Variants in YBX2 observed in about 807,000 individuals in gnomAD.
The protein encoded by YBX2 is Y-box-binding protein 2.
YBX2 carries 5 observed loss-of-function variants against 44.4 expected under a neutral mutation model. That is an observed-to-expected ratio of 0.11 (90% CI 0.06 to 0.24). YBX2 has a LOEUF of 0.24. YBX2 is among the 10% of genes least tolerant of loss of function. YBX2 has a pLI of 1.00. For synonymous variants in YBX2, 188 were observed against 216.1 expected (o/e 0.87, Z 1.14); for missense variants, 417 against 526.9 (o/e 0.79, Z 2.04).
At chr17:7,292,865 G>C in intron 2 of YBX2, 1 of 161,108 alleles carries the variant, frequency 6.2e-6, no homozygotes, top group East Asian at 1.8e-4. Flanking sequence ...TCCCAGGAGA[G>C]CCAGGCCGGG....
chr17:7,291,171 T>C lies in YBX2; in HGVS notation c.381A>G (p.Lys127=). ...GCAGAAACTTCCTGGGGTTGTTTCT[T>C]TTAATAGCTGTCTGATTGGGGAAAA... ...EDVFVHQTAI[K]RNNPRKFLRS... is the part of the protein sequence containing the mutation. The change falls in exon 4 of 9, where the codon AAA becomes AAG. Residue 127 remains lysine (K), a synonymous_variant. Coordinates refer to ENST00000007699, the MANE Select transcript of YBX2 (RefSeq NM_015982.4). This position sits in a 1 kb window ranked among gnomAD's most constrained non-coding sequence, Gnocchi z 5.8. 6.2e-7 allele frequency: 1 copy of C among 1,614,052 alleles called. No individual in the cohort carries two copies. Among genetic ancestry groups the C allele is most frequent in the Non-Finnish European group, 8.5e-7 (1 of 1,180,008 alleles).
In YBX2 at chr17:7,294,257, G is replaced by A. The variant is rs1425797842; in HGVS notation, c.244C>T (p.Arg82Trp). 4 of 1,273,612 alleles carry A rather than the reference G, an allele frequency of 3.1e-6. No individual in the cohort carries two copies. Among genetic ancestry groups the A allele is most frequent in the Non-Finnish European group, 3.9e-6 (4 of 1,016,468 alleles). The allele number at this position is 1,273,612 out of a possible 1,614,324, so 78.9% of individuals were successfully genotyped here. Residue 82 changes from arginine (R) to tryptophan (W), a missense_variant, in exon 1 of 9, where the codon CGG (arginine) becomes TGG (tryptophan). Around this residue, in one of 3 missense-constraint regions of YBX2, gnomAD observed 121 missense variants for 141.3 expected, o/e 0.86. Coordinates refer to ENST00000007699, the MANE Select transcript of YBX2 (RefSeq NM_015982.4). This position sits in a 1 kb window ranked among gnomAD's most constrained non-coding sequence, Gnocchi z 4.6. ...AVSGTPAPPA[R>W]SQADKPVLAI... ...AGCACCGGCTTGTCCGCCTGACTCC[G>A]GGCCGGGGGGGCGGGGGTTCCCGAG...
chr17:7,292,083 A>G, intron 2 of YBX2, 24 bp from the exon 3 acceptor site: 2 of 1,614,092 alleles, frequency 1.2e-6, no homozygotes, highest in Non-Finnish European at 8.5e-7. Context: ...TGGGTCGTTA[A>G]GGAAGGGACT....
Position 7,291,639 on chromosome 17 carries a change from GCT to G in YBX2, c.369+385_369+386del. 7.8e-6 allele frequency: 3 copies of G among 384,474 alleles called. No homozygotes were observed. Among genetic ancestry groups the G allele is most frequent in the Non-Finnish European group, 1.5e-5 (3 of 202,242 alleles). 23.8% of individuals were successfully genotyped at this position (384,474 alleles called of 1,614,324 possible). ...AACCGATTGTGGAGCCCCAGCCCCAGCTCTGATTGATTCACCAGGTCTGGGGT... is the reference window on the plus strand; with the variant it reads ...AACCGATTGTGGAGCCCCAGCCCCAGCTGATTGATTCACCAGGTCTGGGGT... On this transcript the variant is annotated intron_variant, in intron 3 of 8. Coordinates refer to ENST00000007699, the MANE Select transcript of YBX2 (RefSeq NM_015982.4). The surrounding 1 kb of genome is among the most constrained non-coding windows in gnomAD (Gnocchi z 5.8).
Position 7,290,501 on chromosome 17 carries a change from C to A in YBX2, c.494G>T (p.Gly165Val). ...ATAACGGCTGCCCTTCACGGGTACT[C>A]CCCCAGGCCCAGTTACATTAGTGGC... ...AEATNVTGPG[G>V]VPVKGSRYAP... The change falls in exon 5 of 9, where the codon GGA becomes GTA. Residue 165 changes from glycine to valine, a missense_variant. Around this residue, in one of 3 missense-constraint regions of YBX2, gnomAD observed 39 missense variants for 123.8 expected, o/e 0.32. Coordinates refer to ENST00000007699, the MANE Select transcript of YBX2 (RefSeq NM_015982.4). The A allele has an allele frequency of 1.2e-6, 2 of 1,612,250 alleles. No homozygotes were observed. Among genetic ancestry groups the A allele is most frequent in the Non-Finnish European group, 1.7e-6 (2 of 1,178,880 alleles).
Position 7,293,496 on chromosome 17 carries a change from T to C in YBX2, c.314A>G (p.Asn105Ser), listed in dbSNP as rs761834023. 1.9e-6 allele frequency: 3 copies of C among 1,613,974 alleles called. No individual in the cohort carries two copies. In the African/African-American group the frequency reaches 4.0e-5, roughly 22 times the overall value. ...LGTVKWFNVR[N>S]GYGFINRNDT... ...ATACCTGTTGATGAATCCGTAACCATTCCGGACGTTGAACCATTTGACAGT... is the reference window on the plus strand; with the variant it reads ...ATACCTGTTGATGAATCCGTAACCACTCCGGACGTTGAACCATTTGACAGT... Residue 105 changes from asparagine to serine, a missense_variant, in exon 2 of 9, where the codon AAT (asparagine) becomes AGT (serine). Physicochemically the swap from Asn to Ser is conservative, Grantham distance 46. This residue lies in a region of YBX2 where 39 missense variants were observed against 123.8 expected (regional missense o/e 0.32). Transcript: ENST00000007699.
At chr17:7,290,596 C>T in intron 4 of YBX2, 61 bp from the exon 5 acceptor site, 2 of 1,571,584 alleles carry the variant, frequency 1.3e-6, no homozygotes, top group Non-Finnish European at 1.7e-6. Context: ...CATTTCCCAA[C>T]TTGCTTCCCC....
intron 6 of YBX2, 24 bp from the exon 7 acceptor site, chr17:7,289,749 AG>A (rs750518839): frequency 1.2e-5 from 19 of 1,612,492 alleles, no homozygotes; most frequent in Non-Finnish European, 1.5e-5. Flanking sequence ...CAAGGCTCTG[AG>A]GGGACCAGGG....
Position 7,289,958 on chromosome 17 carries a change from G to A in YBX2, c.848+10C>T. On this transcript the variant is annotated intron_variant, in intron 6 of 8. Coordinates refer to ENST00000007699, the MANE Select transcript of YBX2 (RefSeq NM_015982.4). ...AAGGGGAAGACCAAGCCCCAGCAGG[G>A]GGGTCTTACCTTCGGTACCTGGGCC... The A allele has an allele frequency of 6.2e-7, 1 of 1,613,632 alleles. No individual in the cohort carries two copies. Among genetic ancestry groups the A allele is most frequent in the Non-Finnish European group, 8.5e-7 (1 of 1,179,512 alleles).
chr17:7,293,744 A>G, intron 1 of YBX2: 3 of 1,017,732 alleles, frequency 2.9e-6, no homozygotes, highest in South Asian at 1.7e-5. Flanking sequence ...ACAGGGACTC[A>G]GGCTTTCAAA....
intron 7 of YBX2, among the ~76,000 whole-genome samples, 197 bp downstream of exon 7, chr17:7,289,333 A>T (rs1597602673): frequency 8.7e-6 from 1 of 115,168 alleles, no homozygotes; most frequent in African/African-American, 3.2e-5. Flanking sequence ...CATGGGCTTG[A>T]TTGCCTCTGT....
At chr17:7,293,292 G>T in intron 2 of YBX2, 183 bp downstream of exon 2, 2 of 1,073,286 alleles carry the variant, frequency 1.9e-6, no homozygotes, top group Non-Finnish European at 2.7e-6. Context: ...TTGAAGATGC[G>T]GAGGAGGCTT....
Position 7,293,397 on chromosome 17 carries a change from G to A in YBX2, c.335+78C>T, listed in dbSNP as rs1260922222. On this transcript the variant is annotated intron_variant, in intron 2 of 8. Transcript: ENST00000007699. ...ACCATGTGCCTCCGCAGGGGTCGAT[G>A]AGGTTGGGCGGGTGTCCAGTCCCAC... is the stretch of plus-strand genomic sequence containing the variant. 4 of 1,605,924 alleles carry A rather than the reference G, an allele frequency of 2.5e-6. No homozygotes were observed. The South Asian group carries it at 4.4e-5, about 18-fold the overall frequency.
chr17:7,293,676 G>C, intron 1 of YBX2, 138 bp from the exon 2 acceptor site: 1 of 1,509,074 alleles, frequency 6.6e-7, no homozygotes, highest in Non-Finnish European at 8.9e-7. Context: ...AAGCCAACCA[G>C]GTTTCACTAG....
chr17:7,290,232 T>TA lies in YBX2; in HGVS notation c.744+18dup. 6.2e-7 allele frequency: 1 copy of TA among 1,607,216 alleles called. No homozygotes were observed. The highest frequency in any genetic ancestry group is 8.5e-7 in the Non-Finnish European group (1 of 1,175,186). On this transcript the variant is annotated intron_variant, in intron 5 of 8. Coordinates refer to ENST00000007699, the MANE Select transcript of YBX2 (RefSeq NM_015982.4). ...CCTGAACTTGGGGAACTGGCTCCCA[T>TA]ATTCCAGCATCCCCTCACCTCTATA... is the stretch of plus-strand genomic sequence containing the variant.
chr17:7,292,588 C>T (rs1461637485), intron 2 of YBX2: 2 of 168,848 alleles, frequency 1.2e-5, no homozygotes. Context: ...TCATCCTCAG[C>T]CTGGAGGTGA....
chr17:7,292,095 C>T (rs1313417679), intron 2 of YBX2, 36 bp from the exon 3 acceptor site: 1 of 1,613,696 alleles, frequency 6.2e-7, no homozygotes, highest in Admixed American at 1.7e-5. Context: ...GAAGGGACTT[C>T]AACAAAGCCC....
intron 4 of YBX2, 156 bp from the exon 5 acceptor site, chr17:7,290,691 C>T (rs2521992): frequency 0.67 from 597,402 of 886,050 alleles, 208,543 homozygotes; most frequent in Non-Finnish European, 0.73. Context: ...GTGGAATGTG[C>T]TTGCACCCAT....
chr17:7,291,096 C>T lies in YBX2; in HGVS notation c.456G>A (p.Glu152=). 2 of 1,612,460 alleles carry T rather than the reference C, an allele frequency of 1.2e-6. No individual in the cohort carries two copies. Among genetic ancestry groups the T allele is most frequent in the Non-Finnish European group, 1.7e-6 (2 of 1,179,998 alleles). ...TACCCCATAGCAGTCCCCAAACCTT[C>T]TCTCCTTCCACGACATCAAATTCCA... is the stretch of plus-strand genomic sequence containing the variant. ...ETVEFDVVEG[E]KGAEATNVTG... Residue 152 remains glutamate (E), a synonymous_variant, in exon 4 of 9, where the codon GAG becomes GAA. Transcript: ENST00000007699. The surrounding 1 kb of genome is among the most constrained non-coding windows in gnomAD (Gnocchi z 5.8).
Sources: gnomAD v4.1 joint callset for allele counts (sites outside exome capture counted in the v4.1 genomes callset) on GRCh38, gnomAD v4.1.1 for gene constraint, gnomAD v4.1.1 regional missense constraint, Gnocchi (gnomAD v3.1) non-coding constraint, MANE v1.5 for transcripts, NCBI Gene and HGNC (gene_info 2026-07-23, HGNC 2026-07-21) for gene names.